The following WIF1 variants were observed in gnomAD, a reference collection of about 807,000 sequenced individuals.
WIF1 encodes Wnt inhibitory factor 1.
A neutral mutation model predicts 53.5 loss-of-function variants in WIF1; 35 were observed. That is an observed-to-expected ratio of 0.65 (90% CI 0.50 to 0.87). The LOEUF is 0.87. WIF1 is among the 40% of genes least tolerant of loss of function. WIF1 has a pLI of 0.00. For missense variants in WIF1, 467 were observed against 476.8 expected (o/e 0.98, Z 0.19); for synonymous variants, 171 against 170.4 (o/e 1.00, Z -0.03).
At chr12:65,093,219 C>T (rs1883151449) in intron 2 of WIF1, among the ~76,000 whole-genome samples, 3 of 152,088 alleles carry the variant, frequency 2.0e-5, no homozygotes, top group Admixed American at 2.0e-4. Flanking sequence ...GGTAGGTTTG[C>T]AGGGGCTGCT....
chr12:65,098,354 A>G (rs1883234604), intron 2 of WIF1, among the ~76,000 whole-genome samples: 1 of 152,158 alleles, frequency 6.6e-6, no homozygotes, highest in African/African-American at 2.4e-5. Flanking sequence ...CTTCTAAGGG[A>G]AAATAGCAGA....
rs915790946 is a variant in WIF1 at position 65,051,440 on chromosome 12, C to T, written c.1049G>A (p.Arg350Lys). 6.2e-7 allele frequency: 1 copy of T among 1,612,948 alleles called. No homozygotes were observed. Among genetic ancestry groups the T allele is most frequent in the Non-Finnish European group, 8.5e-7 (1 of 1,179,546 alleles). The change falls in exon 10 of 10, where the codon AGG becomes AAG. Residue 350 changes from arginine to lysine, a missense_variant. Transcript: ENST00000286574. ...CTGCCTGAGCTGGGCGCCTGCTGGC[C>T]TCAGGGCATGTATGAGGCTGGCTTC... ...RYEASLIHAL[R>K]PAGAQLRQHT...
chr12:65,100,937 T>G (rs1565758959), intron 2 of WIF1, among the ~76,000 whole-genome samples: 1 of 152,110 alleles, frequency 6.6e-6, no homozygotes, highest in Non-Finnish European at 1.5e-5. Context: ...TGTGATAACA[T>G]GGGAAACTAC....
chr12:65,115,487 A>G (rs1883495086), intron 2 of WIF1, among the ~76,000 whole-genome samples: 1 of 152,234 alleles, frequency 6.6e-6, no homozygotes. Flanking sequence ...TTATTTTCCA[A>G]ATAAAATGTT....
rs566020573 is a variant in WIF1 at position 65,109,815 on chromosome 12, C to T, written c.288+10602G>A. On this transcript the variant is annotated intron_variant, in intron 2 of 9. Transcript: ENST00000286574. ...ATTGGGGAGAATAAGAAATGCCTGTCTCAGGGTTACTATGAAGATTCACTG... is the reference window on the plus strand; with the variant it reads ...ATTGGGGAGAATAAGAAATGCCTGTTTCAGGGTTACTATGAAGATTCACTG... Among the ~76,000 whole-genome samples, 38 of 152,296 alleles carry T rather than the reference C, an allele frequency of 2.5e-4. No individual in the cohort carries two copies. In the South Asian group the frequency reaches 6.6e-3, roughly 27 times the overall value.
chr12:65,110,818 T>C (rs1883419265), intron 2 of WIF1, among the ~76,000 whole-genome samples: 1 of 152,240 alleles, frequency 6.6e-6, no homozygotes, highest in East Asian at 1.9e-4. Flanking sequence ...TTAAAACCTA[T>C]TATAATCAAG....
intron 3 of WIF1, among the ~76,000 whole-genome samples, chr12:65,073,919 G>T (rs1882820060): frequency 6.6e-6 from 1 of 152,158 alleles, no homozygotes; most frequent in South Asian, 2.1e-4. Flanking sequence ...GGATGTGTGT[G>T]TGTGCGAGTC....
chr12:65,092,007 A>G (rs1013572776), intron 2 of WIF1, among the ~76,000 whole-genome samples: 1 of 152,162 alleles, frequency 6.6e-6, no homozygotes, highest in Non-Finnish European at 1.5e-5. Context: ...AAATGAACAT[A>G]TATCAAGTAA....
At chr12:65,109,758 ATTTC>A (rs955550837) in intron 2 of WIF1, among the ~76,000 whole-genome samples, 4 of 152,316 alleles carry the variant, frequency 2.6e-5, no homozygotes, top group Admixed American at 2.6e-4. Flanking sequence ...AAGTAACTTA[ATTTC>A]TTTCTTCTCT....
chr12:65,078,136 T>C (rs1357032808), intron 2 of WIF1, among the ~76,000 whole-genome samples: 2 of 152,190 alleles, frequency 1.3e-5, no homozygotes, highest in Non-Finnish European at 2.9e-5. Context: ...TGGAGTGCAG[T>C]GGCGCAATCT....
At chr12:65,114,668 C>G (rs116832187) in intron 2 of WIF1, among the ~76,000 whole-genome samples, 6 of 152,038 alleles carry the variant, frequency 3.9e-5, no homozygotes, top group Non-Finnish European at 5.9e-5. Flanking sequence ...TCACTTGATA[C>G]GCTCTCTCTT....
rs116355256 is a variant in WIF1, at chr12:65,074,033, C to T, written c.397+3713G>A. On this transcript the variant is annotated intron_variant, in intron 3 of 9. Transcript: ENST00000286574. Reference sequence around the variant, plus strand: ...AAAGTGTCACCCACTTTTTCCTCTACGTTTATTATTTATAAAGAACGTAAA... The same window carrying T: ...AAAGTGTCACCCACTTTTTCCTCTATGTTTATTATTTATAAAGAACGTAAA... Among the ~76,000 whole-genome samples the T allele has an allele frequency of 5.5e-3, 837 of 152,136 alleles. 7 individuals are homozygous for T. Among genetic ancestry groups the T allele is most frequent in the African/African-American group, 0.018 (733 of 41,528 alleles).
At chr12:65,055,338 C>T in intron 8 of WIF1, 125 bp from the exon 9 acceptor site, 1 of 983,878 alleles carries the variant, frequency 1.0e-6, no homozygotes, top group Non-Finnish European at 1.4e-6. Context: ...ATTTTTTTTC[C>T]TAAGTCAGTC....
intron 6 of WIF1, among the ~76,000 whole-genome samples, chr12:65,065,425 A>G (rs1882673565): frequency 1.3e-5 from 2 of 152,188 alleles, no homozygotes; most frequent in African/African-American, 4.8e-5. Context: ...CTTATCTAGG[A>G]ATGAGATGGA....
At chr12:65,071,758 T>A (rs1241174934) in intron 3 of WIF1, among the ~76,000 whole-genome samples, 1 of 152,152 alleles carries the variant, frequency 6.6e-6, no homozygotes, top group African/African-American at 2.4e-5. Flanking sequence ...AGCACAGTTA[T>A]GACCTGAACC....
At chr12:65,099,935 C>T (rs12317613) in intron 2 of WIF1, among the ~76,000 whole-genome samples, 4,589 of 152,154 alleles carry the variant, frequency 0.03, 237 homozygotes, top group African/African-American at 0.11. Flanking sequence ...AATAACACCT[C>T]TGAGCATTAG....
intron 2 of WIF1, among the ~76,000 whole-genome samples, chr12:65,102,160 G>T (rs1461157931): frequency 6.6e-6 from 1 of 152,168 alleles, no homozygotes; most frequent in Admixed American, 6.5e-5. Flanking sequence ...GCTTCTCTTT[G>T]ATAGTAACTT....
In WIF1 at chr12:65,069,003, A is replaced by G; in HGVS notation, c.398-99T>C. 5.4e-6 allele frequency: 7 copies of G among 1,300,766 alleles called. No individual in the cohort carries two copies. The South Asian group carries it at 1.0e-4, about 19-fold the overall frequency. 80.6% of individuals were successfully genotyped at this position (1,300,766 alleles called of 1,614,324 possible). On this transcript the variant is annotated intron_variant, in intron 3 of 9. Transcript: ENST00000286574. ...CCAAGAGTCAAAGGACAAAGCAAAA[A>G]TGTTCACATGTTGTGGATTTCCTTG...
chr12:65,119,910 C>T (rs1176516839), intron 2 of WIF1, among the ~76,000 whole-genome samples: 1 of 152,200 alleles, frequency 6.6e-6, no homozygotes. Context: ...AACGTTCTTA[C>T]ATGACACCTT....
Sources: gnomAD v4.1 joint callset for allele counts (sites outside exome capture counted in the v4.1 genomes callset) on GRCh38, gnomAD v4.1.1 for gene constraint, MANE v1.5 for transcripts, NCBI Gene and HGNC (gene_info 2026-07-23, HGNC 2026-07-21) for gene names.